Variants in SORD observed in about 807,000 individuals in gnomAD.
SORD encodes (R,R)-butanediol dehydrogenase.
Under a neutral mutation model 35.6 loss-of-function variants are expected in SORD, and 18 were observed. That is an observed-to-expected ratio of 0.51 (90% CI 0.35 to 0.75). The LOEUF is 0.75. Ranked by LOEUF, SORD falls within the 30% of genes least tolerant of loss-of-function variation. The probability of loss-of-function intolerance (pLI) is 0.01; values close to 1 mark genes in which losing one functional copy is unlikely to be tolerated. For missense variants in SORD, 250 were observed against 390.2 expected (o/e 0.64, Z 3.03); for synonymous variants, 106 against 152.9 (o/e 0.69, Z 2.26).
intron 5 of SORD, 66 bp from the exon 6 acceptor site, chr15:45,068,115 C>A: frequency 1.6e-6 from 2 of 1,236,492 alleles, no homozygotes; most frequent in Non-Finnish European, 2.4e-6. Context: ...CTATCCATGG[C>A]CTGGACAAGT....
At chr15:45,035,292 G>A (rs1427075392) in intron 1 of SORD, among the ~76,000 whole-genome samples, 1 of 152,172 alleles carries the variant, frequency 6.6e-6, no homozygotes, top group East Asian at 1.9e-4. Context: ...AAGCCAGCTG[G>A]GCTCCTGAGT....
At chr15:45,052,302 C>G (rs1893138145) in intron 3 of SORD, among the ~76,000 whole-genome samples, 1 of 152,132 alleles carries the variant, frequency 6.6e-6, no homozygotes, top group Admixed American at 6.5e-5. Flanking sequence ...TGGCTGTTCT[C>G]CCTGTGATGG....
At chr15:45,065,531 C>A in intron 5 of SORD, 142 bp downstream of exon 5, 8 of 1,351,782 alleles carry the variant, frequency 5.9e-6, no homozygotes, top group Non-Finnish European at 8.0e-6. Context: ...CCCATTCCCT[C>A]AGTGACTAGC....
rs1195098275 is a variant in SORD, at chr15:45,072,370, C to T, written c.840C>T (p.Thr280=). ...LVLVGLGSEM[T]TVPLLHAAIR... is the part of the protein sequence containing the mutation. ...TTGTGGGGCTGGGCTCTGAGATGACCACCGTACCCCTACTGCATGCAGCCA... is the reference window on the plus strand; with the variant it reads ...TTGTGGGGCTGGGCTCTGAGATGACTACCGTACCCCTACTGCATGCAGCCA... Residue 280 remains threonine (T), a synonymous_variant, in exon 8 of 9, where the codon ACC becomes ACT. Coordinates refer to ENST00000267814, the MANE Select transcript of SORD (RefSeq NM_003104.6). 1.6e-6 allele frequency: 1 copy of T among 639,862 alleles called. No individual in the cohort carries two copies. The highest frequency in any genetic ancestry group is 2.5e-6 in the Non-Finnish European group (1 of 394,106). 39.6% of individuals were successfully genotyped at this position (639,862 alleles called of 1,614,324 possible).
chr15:45,055,478 T>C (rs1257757549), intron 3 of SORD, among the ~76,000 whole-genome samples: 1 of 152,138 alleles, frequency 6.6e-6, no homozygotes, highest in Admixed American at 6.5e-5. Flanking sequence ...TAACAGGCTC[T>C]GAAATTGTGG....
chr15:45,074,397 C>G lies in SORD; in HGVS notation c.*867C>G, dbSNP rs1364625634. On this transcript the variant is annotated 3_prime_UTR_variant, in exon 9 of 9. Transcript: ENST00000267814. ...TGGTTAGCTCACAGGACTTCCCCCA[C>G]CCCAGAAGATTAGCATCCCATACTA... 6.7e-6 allele frequency: 1 copy of G among 150,208 alleles called. No homozygotes were observed. The highest frequency in any genetic ancestry group is 6.6e-5 in the Admixed American group (1 of 15,202). 9.3% of individuals were successfully genotyped at this position (150,208 alleles called of 1,614,324 possible).
intron 3 of SORD, among the ~76,000 whole-genome samples, chr15:45,059,086 T>C (rs1893261920): frequency 6.6e-6 from 1 of 152,192 alleles, no homozygotes. Flanking sequence ...TATCTGTGCC[T>C]GTAGCTTGAT....
chr15:45,030,013 AGG>A (rs972326790), intron 1 of SORD, among the ~76,000 whole-genome samples: 2 of 152,262 alleles, frequency 1.3e-5, no homozygotes, highest in Admixed American at 1.3e-4. Flanking sequence ...AAAACTACTT[AGG>A]AAAGGTTAGG....
intron 7 of SORD, 198 bp from the exon 8 acceptor site, chr15:45,072,119 C>A: frequency 1.2e-5 from 1 of 84,846 alleles, no homozygotes; most frequent in Non-Finnish European, 2.7e-5. Flanking sequence ...TAAAGAAAAC[C>A]GTGTTTACTC....
At chr15:45,038,516 C>T (rs1335839654) in intron 1 of SORD, among the ~76,000 whole-genome samples, 1 of 152,154 alleles carries the variant, frequency 6.6e-6, no homozygotes, top group Non-Finnish European at 1.5e-5. Context: ...CACTGAACCT[C>T]TTCAACAGAA....
intron 1 of SORD, among the ~76,000 whole-genome samples, chr15:45,028,689 C>T (rs567181168): frequency 0.21 from 31,295 of 150,594 alleles, 1 homozygote; most frequent in African/African-American, 0.45. Context: ...AAACATTACT[C>T]GGAGGTCCAT....
chr15:45,068,986 G>A lies in SORD; in HGVS notation c.720G>A (p.Leu240=), dbSNP rs1452214893. 1 of 1,610,416 alleles carries A rather than the reference G, an allele frequency of 6.2e-7. No homozygotes were observed. Among genetic ancestry groups the A allele is most frequent in the Non-Finnish European group, 8.5e-7 (1 of 1,179,044 alleles). Residue 240 remains leucine, a synonymous_variant, in exon 7 of 9, where the codon CTG becomes CTA. Coordinates refer to ENST00000267814, the MANE Select transcript of SORD (RefSeq NM_003104.6). The part of the protein sequence containing the change: ...QEIARKVEGQ[L]GCKPEVTIEC... The stretch of plus-strand genomic sequence containing the variant: ...TCGCCAGGAAAGTAGAAGGTCAGCT[G>A]GGGTGCAAGCCGGAAGTCACCATCG...
intron 4 of SORD, among the ~76,000 whole-genome samples, chr15:45,062,894 T>C (rs1595506953): frequency 1.4e-5 from 2 of 144,346 alleles, no homozygotes; most frequent in East Asian, 3.9e-4. Context: ...GAATTACTGA[T>C]GAGATCCAAT....
At chr15:45,035,638 C>G (rs781650979) in intron 1 of SORD, among the ~76,000 whole-genome samples, 6 of 152,186 alleles carry the variant, frequency 3.9e-5, no homozygotes, top group Non-Finnish European at 5.9e-5. Flanking sequence ...GGGTCCCCTT[C>G]CACACTGTGG....
chr15:45,027,994 TG>T (rs1235243681), intron 1 of SORD, among the ~76,000 whole-genome samples: 23 of 152,376 alleles, frequency 1.5e-4, no homozygotes, highest in Middle Eastern at 3.4e-3. Flanking sequence ...TGGACTGATA[TG>T]TTTGCATCAA....
intron 1 of SORD, among the ~76,000 whole-genome samples, chr15:45,034,611 T>C (rs1341930141): frequency 2.0e-5 from 3 of 152,132 alleles, no homozygotes; most frequent in African/African-American, 7.2e-5. Flanking sequence ...ACTTCAGGAG[T>C]GGGCTGGTAG....
chr15:45,072,694 C>T (rs112590064), intron 8 of SORD, among the ~76,000 whole-genome samples: 8,299 of 139,064 alleles, frequency 0.06, 1,016 homozygotes, highest in African/African-American at 0.17. Context: ...GTGTCTGCTG[C>T]TTATCCCCCC....
chr15:45,033,150 C>T (rs1216620606), intron 1 of SORD, among the ~76,000 whole-genome samples: 74 of 148,496 alleles, frequency 5.0e-4, no homozygotes, highest in African/African-American at 1.7e-3. Context: ...GTAGAGTGGT[C>T]AGATTTTCTT....
intron 5 of SORD, among the ~76,000 whole-genome samples, 157 bp downstream of exon 5, chr15:45,065,546 T>C (rs1358373224): frequency 6.6e-6 from 1 of 152,260 alleles, no homozygotes; most frequent in Admixed American, 6.5e-5. Context: ...ACTAGCACTT[T>C]GCTAAACAAA....
Sources: allele counts gnomAD v4.1 joint callset (sites outside exome capture counted in the v4.1 genomes callset), GRCh38; gene constraint gnomAD v4.1.1; transcripts MANE v1.5; gene names NCBI Gene and HGNC (gene_info 2026-07-23, HGNC 2026-07-21).